Variants in ROR1 observed in about 807,000 individuals in gnomAD.
ROR1 encodes ROR family WNT receptor 1.
Under a neutral mutation model 78.8 loss-of-function variants are expected in ROR1, and 19 were observed. The ratio of observed to expected loss-of-function variants is 0.24; its 90% CI spans 0.17 to 0.35. The LOEUF is 0.35. Among genes scored for constraint, ROR1 ranks in the 10% least tolerant of loss-of-function variants. ROR1 has a pLI of 1.00. For synonymous variants in ROR1, 386 were observed against 433.6 expected, an observed-to-expected ratio of 0.89 and a Z score of 1.36; for missense variants, 917 against 1,177.8, an observed-to-expected ratio of 0.78 and a Z score of 3.24.
chr1:63,976,525 A>G (rs1182333156), intron 1 of ROR1, among the ~76,000 whole-genome samples: 2 of 152,188 alleles, frequency 1.3e-5, no homozygotes, highest in Non-Finnish European at 2.9e-5. Flanking sequence ...GTCCAGTGTC[A>G]ACATCATTCA....
intron 1 of ROR1, among the ~76,000 whole-genome samples, chr1:63,875,799 C>T (rs1645281156): frequency 6.6e-6 from 1 of 152,140 alleles, no homozygotes; most frequent in Non-Finnish European, 1.5e-5. Context: ...TCATTAACTA[C>T]TGTCTGGAAT....
rs527755546 is a variant in ROR1, at chr1:63,838,614, A to G, written c.91+64106A>G. Among the ~76,000 whole-genome samples, 49 of 152,322 alleles carry G rather than the reference A, an allele frequency of 3.2e-4. 1 individual carries two copies. The South Asian group carries it at 7.0e-3, about 22-fold the overall frequency. On this transcript the variant is annotated intron_variant, in intron 1 of 8. Transcript: ENST00000371079. ...CAAAAGAGTCCAGAGTTAAAAAAAT[A>G]AAAAGTTTATAAAATAAAAAAGTTA... is the stretch of plus-strand genomic sequence containing the variant.
At position 64,011,228 on chromosome 1, in the gene ROR1, C is replaced by T. The variant is rs377720069; in HGVS notation, c.163+1852C>T. Among the ~76,000 whole-genome samples the T allele has an allele frequency of 2.0e-5, 3 of 152,144 alleles. No homozygotes were observed. In the East Asian group the frequency reaches 5.8e-4, roughly 29 times the overall value. On this transcript the variant is annotated intron_variant, in intron 2 of 8. Transcript: ENST00000371079. ...CTATTAAATATTAAATCAGGCACTC[C>T]ATGTTACTCCTCTCCACCTCCAGCA...
intron 1 of ROR1, among the ~76,000 whole-genome samples, chr1:63,964,059 A>C (rs565627992): frequency 3.1e-4 from 47 of 152,332 alleles, no homozygotes; most frequent in African/African-American, 1.1e-3. Flanking sequence ...ACACTTAGGA[A>C]GTGTTCAGGT....
At chr1:63,830,722 C>T (rs1644982189) in intron 1 of ROR1, among the ~76,000 whole-genome samples, 1 of 152,116 alleles carries the variant, frequency 6.6e-6, no homozygotes, top group Non-Finnish European at 1.5e-5. Context: ...CATTTAAAAG[C>T]TAATCGTGCC....
intron 2 of ROR1, among the ~76,000 whole-genome samples, chr1:64,022,400 T>G (rs1646572053): frequency 6.6e-6 from 1 of 152,198 alleles, no homozygotes; most frequent in African/African-American, 2.4e-5. Context: ...TAAGTGACTT[T>G]TGCCAAAATA....
At chr1:64,035,362 T>C (rs192124657) in intron 2 of ROR1, among the ~76,000 whole-genome samples, 5 of 152,278 alleles carry the variant, frequency 3.3e-5, no homozygotes, top group African/African-American at 7.2e-5. Flanking sequence ...ATACAAAAAT[T>C]GTTTATTTCA....
intron 7 of ROR1, among the ~76,000 whole-genome samples, chr1:64,149,368 G>A (rs1649559688): frequency 6.6e-6 from 1 of 152,112 alleles, no homozygotes; most frequent in Non-Finnish European, 1.5e-5. Flanking sequence ...TTATTTCAGA[G>A]GAACACACAT....
At chr1:63,910,099 T>C (rs1645559152) in intron 1 of ROR1, among the ~76,000 whole-genome samples, 1 of 152,188 alleles carries the variant, frequency 6.6e-6, no homozygotes, top group African/African-American at 2.4e-5. Context: ...CACGGGGCTT[T>C]CTTTTGTTTC....
intron 1 of ROR1, among the ~76,000 whole-genome samples, chr1:63,779,832 A>G (rs1644640415): frequency 1.3e-5 from 2 of 152,068 alleles, no homozygotes; most frequent in East Asian, 1.9e-4. Context: ...CACACCCCCC[A>G]GAACACCCAG....
intron 4 of ROR1, among the ~76,000 whole-genome samples, chr1:64,123,179 T>A (rs1336022356): frequency 1.3e-5 from 2 of 152,184 alleles, no homozygotes; most frequent in African/African-American, 4.8e-5. Flanking sequence ...ATCATTTAAA[T>A]AAAACACATT....
chr1:64,072,292 T>TATGGC (rs1432857404), intron 4 of ROR1, among the ~76,000 whole-genome samples: 3 of 152,214 alleles, frequency 2.0e-5, no homozygotes, highest in Non-Finnish European at 4.4e-5. Context: ...GCCTGCTTCC[T>TATGGC]ATGGCTTCTT....
chr1:64,056,566 C>T (rs1646876376), intron 4 of ROR1, among the ~76,000 whole-genome samples: 2 of 151,510 alleles, frequency 1.3e-5, no homozygotes, highest in South Asian at 2.1e-4. Flanking sequence ...ATCCCAGCTA[C>T]TCGAGAGGCT....
intron 1 of ROR1, chr1:63,843,284 GTGTAATTCA>G (rs1462025477): frequency 7.0e-7 from 1 of 1,432,440 alleles, no homozygotes; most frequent in East Asian, 2.3e-5. Flanking sequence ...AGCAGTTTGT[GTGTAATTCA>G]TGCTTGATCC....
chr1:64,111,845 C>A (rs1282472103), intron 4 of ROR1: 4 of 152,178 alleles, frequency 2.6e-5, no homozygotes, highest in Non-Finnish European at 5.9e-5. Flanking sequence ...AAGTGTTAGA[C>A]CTGGGTTCAC....
intron 2 of ROR1, 69 bp downstream of exon 2, chr1:64,009,445 C>G (rs1421831087): frequency 2.5e-6 from 3 of 1,213,128 alleles, no homozygotes; most frequent in Non-Finnish European, 2.4e-6. Flanking sequence ...CTGGCATGAC[C>G]TTCTTTGAAA....
At position 63,962,109 on chromosome 1, in the gene ROR1, A is replaced by C. The variant is rs573470723; in HGVS notation, c.92-47196A>C. Among the ~76,000 whole-genome samples, 60 of 152,250 alleles carry C rather than the reference A, an allele frequency of 3.9e-4. No homozygotes were observed. The South Asian group carries it at 6.9e-3, about 17-fold the overall frequency. On this transcript the variant is annotated intron_variant, in intron 1 of 8. Transcript: ENST00000371079. ...ACCCCATGTCTACTAAAAATACAAA[A>C]GTTATCTGGGCATGTTAGGGTGCAT...
At chr1:63,825,293 TG>T (rs1173294881) in intron 1 of ROR1, among the ~76,000 whole-genome samples, 1 of 152,112 alleles carries the variant, frequency 6.6e-6, no homozygotes, top group Non-Finnish European at 1.5e-5. Flanking sequence ...CATCAACTGG[TG>T]AATGGATAAA....
At chr1:63,820,598 A>G (rs762631977) in intron 1 of ROR1, among the ~76,000 whole-genome samples, 23 of 152,248 alleles carry the variant, frequency 1.5e-4, no homozygotes, top group Non-Finnish European at 2.2e-4. Context: ...TTTGATGTGA[A>G]TTTTGAGTTT....
Sources: allele counts gnomAD v4.1 joint callset (sites outside exome capture counted in the v4.1 genomes callset), GRCh38; gene constraint gnomAD v4.1.1; transcripts MANE v1.5; gene names NCBI Gene and HGNC (gene_info 2026-07-23, HGNC 2026-07-21).